CLNK: variants seen among roughly 807,000 people sequenced by gnomAD.
The protein encoded by CLNK is cytokine-dependent hematopoietic cell linker.
A neutral mutation model predicts 68.6 loss-of-function variants in CLNK; 74 were observed. The observed-to-expected ratio is 1.08, with a 90% CI of 0.89 to 1.31. The LOEUF is 1.31. CLNK is among the 50% of genes most tolerant of loss of function. The pLI, the probability that CLNK is intolerant of heterozygous loss-of-function variation, is 0.00. For synonymous variants in CLNK, 198 were observed against 172.2 expected, an observed-to-expected ratio of 1.15 and a Z score of -1.17; for missense variants, 553 against 515.3, an observed-to-expected ratio of 1.07 and a Z score of -0.71.
chr4:10,657,455 C>A (rs1724030641), intron 2 of CLNK, among the ~76,000 whole-genome samples: 1 of 151,992 alleles, frequency 6.6e-6, no homozygotes, highest in Admixed American at 6.5e-5. Context: ...ATAAGTATTC[C>A]TTTGTATCTA....
intron 2 of CLNK, among the ~76,000 whole-genome samples, chr4:10,610,033 G>GTTTTTTTTT (rs71181047): frequency 5.4e-5 from 4 of 73,450 alleles, no homozygotes; most frequent in African/African-American, 1.9e-4. Flanking sequence ...ATGAATGCTC[G>GTTTTTTTTT]TTTTTTTTTT....
chr4:10,586,535 G>A (rs1056116252), intron 3 of CLNK, among the ~76,000 whole-genome samples: 1 of 151,570 alleles, frequency 6.6e-6, no homozygotes, highest in African/African-American at 2.4e-5. Flanking sequence ...GGATGGTCTC[G>A]ATCTCTTGAC....
intron 8 of CLNK, among the ~76,000 whole-genome samples, chr4:10,551,096 G>A (rs1220242556): frequency 1.3e-5 from 2 of 152,104 alleles, no homozygotes; most frequent in Admixed American, 1.3e-4. Context: ...TATGAATTAT[G>A]TATTTCTGGA....
the CLNK span, among the ~76,000 whole-genome samples, chr4:10,700,995 G>A: frequency 1.4e-4 from 22 of 152,074 alleles, 1 homozygote; most frequent in East Asian, 1.2e-3. Flanking sequence ...CTGGAAAATC[G>A]TGATCACCGT....
intron 2 of CLNK, among the ~76,000 whole-genome samples, chr4:10,605,019 T>C (rs997353871): frequency 4.6e-5 from 7 of 152,198 alleles, no homozygotes; most frequent in Non-Finnish European, 8.8e-5. Context: ...TAACAAAGAC[T>C]AGGGTTTCCT....
chr4:10,488,346 A>G lies in CLNK; in HGVS notation c.*2121T>C, dbSNP rs1384310167. The G allele has an allele frequency of 1.3e-5, 2 of 152,194 alleles. No homozygotes were observed. Among genetic ancestry groups the G allele is most frequent in the African/African-American group, 2.4e-5 (1 of 41,448 alleles). 9.4% of individuals were successfully genotyped at this position (152,194 alleles called of 1,614,324 possible). ...CATAGCATTGAATGGCATGGCCTCA[A>G]TGAATCAGTGAGTTGGAGGTATCAG... On this transcript the variant is annotated 3_prime_UTR_variant, in exon 19 of 19. Coordinates refer to ENST00000226951, the MANE Select transcript of CLNK (RefSeq NM_052964.4).
chr4:10,688,807 AC>A (rs1400468428), upstream of CLNK, among the ~76,000 whole-genome samples: 1 of 152,204 alleles, frequency 6.6e-6, no homozygotes, highest in Non-Finnish European at 1.5e-5. Flanking sequence ...CATTTAGTGC[AC>A]ATGAAAAGAA....
intron 2 of CLNK, among the ~76,000 whole-genome samples, chr4:10,663,319 C>A (rs185075876): frequency 6.6e-6 from 1 of 152,124 alleles, no homozygotes; most frequent in African/African-American, 2.4e-5. Flanking sequence ...TGCTAATTTC[C>A]GAAGCAATTT....
At chr4:10,591,902 G>C (rs1294577096) in intron 3 of CLNK, among the ~76,000 whole-genome samples, 1 of 152,138 alleles carries the variant, frequency 6.6e-6, no homozygotes, top group East Asian at 1.9e-4. Flanking sequence ...TATTTTATTT[G>C]TATAAGAAAT....
chr4:10,505,734 C>A (rs1047847175), intron 17 of CLNK, among the ~76,000 whole-genome samples: 16 of 152,160 alleles, frequency 1.1e-4, no homozygotes, highest in Non-Finnish European at 4.4e-5. Context: ...TGTGATTATA[C>A]TGAGCCCCCC....
At chr4:10,493,924 T>C (rs1364211946) in intron 18 of CLNK, among the ~76,000 whole-genome samples, 1 of 152,342 alleles carries the variant, frequency 6.6e-6, no homozygotes. Context: ...GAGAATGGAA[T>C]TGATGCATAT....
Position 10,506,652 on chromosome 4 carries a change from C to G in CLNK, c.984+1307G>C, listed in dbSNP as rs75596101. On this transcript the variant is annotated intron_variant, in intron 17 of 18. Coordinates refer to ENST00000226951, the MANE Select transcript of CLNK (RefSeq NM_052964.4). ...TATTGTGACCTCTATAGTCCAGTTTCCAGATTTCATCTTCAAAATAGTTCC... is the reference window on the plus strand; with the variant it reads ...TATTGTGACCTCTATAGTCCAGTTTGCAGATTTCATCTTCAAAATAGTTCC... 8.3e-3 allele frequency among the ~76,000 whole-genome samples: 1,266 copies of G among 152,246 alleles called. 11 individuals carry two copies. Among genetic ancestry groups the G allele is most frequent in the Middle Eastern group, 0.037 (11 of 294 alleles).
intron 13 of CLNK, 66 bp from the exon 14 acceptor site, chr4:10,525,988 C>A (rs78002135): frequency 1.2e-6 from 1 of 852,722 alleles, no homozygotes; most frequent in Non-Finnish European, 1.9e-6. Context: ...CCATTAGAAG[C>A]CCACTGGAAC....
intron 18 of CLNK, among the ~76,000 whole-genome samples, chr4:10,495,882 G>A (rs1237528223): frequency 6.6e-6 from 1 of 152,120 alleles, no homozygotes; most frequent in Admixed American, 6.5e-5. Context: ...CTGGAGCGAC[G>A]TGGCCATAAA....
At chr4:10,560,095 C>A (rs1006685873) in intron 7 of CLNK, among the ~76,000 whole-genome samples, 2 of 152,214 alleles carry the variant, frequency 1.3e-5, no homozygotes, top group African/African-American at 2.4e-5. Flanking sequence ...CATCATATGG[C>A]TTCCTTCATC....
At chr4:10,717,511 G>C in the CLNK span, among the ~76,000 whole-genome samples, 1 of 152,072 alleles carries the variant, frequency 6.6e-6, no homozygotes, top group Non-Finnish European at 1.5e-5. Context: ...CAGGAAAATT[G>C]CTTGAACCCG....
chr4:10,505,928 C>T (rs1717272160), intron 17 of CLNK, among the ~76,000 whole-genome samples: 1 of 152,178 alleles, frequency 6.6e-6, no homozygotes, highest in Non-Finnish European at 1.5e-5. Context: ...TTTACAACAT[C>T]AATTCTGAGA....
the CLNK span, among the ~76,000 whole-genome samples, chr4:10,732,742 C>A: frequency 6.6e-6 from 1 of 151,698 alleles, no homozygotes; most frequent in Non-Finnish European, 1.5e-5. Context: ...AAAAAAAAGC[C>A]TTATCTTTAA....
chr4:10,613,095 C>T (rs903432135), intron 2 of CLNK, among the ~76,000 whole-genome samples: 2 of 152,024 alleles, frequency 1.3e-5, no homozygotes, highest in East Asian at 3.9e-4. Context: ...ATGGCTAATT[C>T]CTATGGAACA....
Sources: allele counts gnomAD v4.1 joint callset (sites outside exome capture counted in the v4.1 genomes callset), GRCh38; gene constraint gnomAD v4.1.1; transcripts MANE v1.5; gene names NCBI Gene and HGNC (gene_info 2026-07-23, HGNC 2026-07-21).